The following TAFA1 variants were observed in gnomAD, a reference collection of about 807,000 sequenced individuals.
TAFA1 encodes TAFA chemokine like family member 1.
Under a neutral mutation model 18.5 loss-of-function variants are expected in TAFA1, and 4 were observed. That is an observed-to-expected ratio of 0.22 (90% CI 0.11 to 0.49). TAFA1 has a LOEUF of 0.49. TAFA1 is among the 20% of genes least tolerant of loss of function. The probability of loss-of-function intolerance (pLI) is 0.98; values close to 1 mark genes in which losing one functional copy is unlikely to be tolerated. For synonymous variants in TAFA1, 56 were observed against 55.2 expected (o/e 1.01, Z -0.06); for missense variants, 147 against 169.0 (o/e 0.87, Z 0.72).
At chr3:68,398,809 T>A (rs2070433290) in intron 2 of TAFA1, among the ~76,000 whole-genome samples, 1 of 152,240 alleles carries the variant, frequency 6.6e-6, no homozygotes, top group Non-Finnish European at 1.5e-5. Flanking sequence ...CAAATTGACA[T>A]CTAATCAAAG....
intron 3 of TAFA1, among the ~76,000 whole-genome samples, chr3:68,538,162 G>GA (rs1309140012): frequency 1.3e-5 from 2 of 152,094 alleles, no homozygotes; most frequent in Non-Finnish European, 2.9e-5. Context: ...GCAAAAGTCT[G>GA]AAAAAATCTC....
chr3:68,380,471 G>A (rs2069921440), intron 2 of TAFA1, among the ~76,000 whole-genome samples: 2 of 152,166 alleles, frequency 1.3e-5, no homozygotes, highest in Admixed American at 1.3e-4. Context: ...TAACTGGTGT[G>A]TGATGGTATC....
chr3:68,365,196 G>C (rs1449961681), intron 2 of TAFA1, among the ~76,000 whole-genome samples: 4 of 152,168 alleles, frequency 2.6e-5, no homozygotes, highest in Admixed American at 6.5e-5. Context: ...CCATTTTGCA[G>C]ATGGGAAAAC....
intron 2 of TAFA1, among the ~76,000 whole-genome samples, chr3:68,388,274 A>G (rs575365720): frequency 2.0e-4 from 30 of 152,312 alleles, no homozygotes; most frequent in African/African-American, 7.2e-4. Flanking sequence ...AAAAGGTAGT[A>G]TAGATCTAAA....
chr3:68,344,122 C>T (rs915169295), intron 2 of TAFA1, among the ~76,000 whole-genome samples: 8 of 152,180 alleles, frequency 5.3e-5, no homozygotes, highest in South Asian at 4.2e-4. Flanking sequence ...GGATTACAGG[C>T]GTGGGCCACA....
At chr3:68,491,018 T>C (rs2072442144) in intron 3 of TAFA1, among the ~76,000 whole-genome samples, 1 of 151,970 alleles carries the variant, frequency 6.6e-6, no homozygotes. Context: ...TTTGTACTTT[T>C]TATAGAGATG....
In TAFA1 at chr3:68,146,655, A is replaced by G. The variant is rs560499665; in HGVS notation, c.118+139911A>G. 1.8e-4 allele frequency among the ~76,000 whole-genome samples: 28 copies of G among 152,312 alleles called. 1 individual carries two copies. Among genetic ancestry groups the G allele is most frequent in the African/African-American group, 5.3e-4 (22 of 41,564 alleles). The stretch of plus-strand genomic sequence containing the variant: ...AATTCCCCTTAAGTAATCTACAAAT[A>G]TCTTAAGACTAGATTAGAATCTCAT... On this transcript the variant is annotated intron_variant, in intron 2 of 4. Transcript: ENST00000478136.
In TAFA1 at chr3:68,339,331, G is replaced by A. The variant is rs77927163; in HGVS notation, c.119-77949G>A. ...AAAGTTATAATTTCAGAACATTTTT[G>A]CTATGTTAATCATAAAGATACAGAG... On this transcript the variant is annotated intron_variant, in intron 2 of 4. Transcript: ENST00000478136. Among the ~76,000 whole-genome samples, 4 of 152,100 alleles carry A rather than the reference G, an allele frequency of 2.6e-5. No individual in the cohort carries two copies. In the East Asian group the frequency reaches 7.7e-4, roughly 29 times the overall value.
intron 3 of TAFA1, among the ~76,000 whole-genome samples, chr3:68,445,629 G>C (rs2071462666): frequency 2.0e-5 from 3 of 152,096 alleles, no homozygotes; most frequent in Middle Eastern, 3.2e-3. Context: ...TAAGATGTAA[G>C]ACCCCTTGGC....
chr3:68,071,982 G>A (rs1233823390), intron 2 of TAFA1, among the ~76,000 whole-genome samples: 1 of 152,050 alleles, frequency 6.6e-6, no homozygotes, highest in African/African-American at 2.4e-5. Flanking sequence ...TAAAATTTGG[G>A]TAAGGACAAA....
At chr3:68,326,306 G>A (rs1222599258) in intron 2 of TAFA1, among the ~76,000 whole-genome samples, 1 of 152,092 alleles carries the variant, frequency 6.6e-6, no homozygotes, top group Non-Finnish European at 1.5e-5. Flanking sequence ...TGTGTCTTCA[G>A]TTGTTTTAAA....
intron 2 of TAFA1, among the ~76,000 whole-genome samples, chr3:68,380,226 A>G (rs1216470883): frequency 1.3e-5 from 2 of 152,022 alleles, no homozygotes; most frequent in Non-Finnish European, 2.9e-5. Flanking sequence ...CGCAATAAAC[A>G]TACGCGTGCA....
At chr3:68,112,836 T>C (rs2065276986) in intron 2 of TAFA1, among the ~76,000 whole-genome samples, 1 of 151,962 alleles carries the variant, frequency 6.6e-6, no homozygotes, top group Non-Finnish European at 1.5e-5. Flanking sequence ...AATAATCAAA[T>C]ACTAAGAATG....
chr3:68,043,929 A>G (rs1705217738), intron 2 of TAFA1, among the ~76,000 whole-genome samples: 1 of 152,208 alleles, frequency 6.6e-6, no homozygotes, highest in African/African-American at 2.4e-5. Flanking sequence ...TGTAAAAAAT[A>G]AAAAGAAAGA....
At chr3:68,012,133 G>C (rs947080535) in intron 2 of TAFA1, among the ~76,000 whole-genome samples, 2 of 152,120 alleles carry the variant, frequency 1.3e-5, no homozygotes, top group African/African-American at 4.8e-5. Flanking sequence ...AACTTTCTGC[G>C]AAAGTATCAA....
intron 2 of TAFA1, among the ~76,000 whole-genome samples, chr3:68,306,423 A>C (rs970995565): frequency 6.6e-6 from 1 of 152,190 alleles, no homozygotes; most frequent in Non-Finnish European, 1.5e-5. Flanking sequence ...TAAGGCTTGC[A>C]TGCTACCCTA....
intron 3 of TAFA1, among the ~76,000 whole-genome samples, chr3:68,504,587 T>C (rs764025402): frequency 1.9e-4 from 29 of 152,194 alleles, no homozygotes; most frequent in Middle Eastern, 3.2e-3. Flanking sequence ...CATGTCACTA[T>C]GTATCAAGTG....
chr3:67,998,238 T>C, the TAFA1 span, among the ~76,000 whole-genome samples: 2 of 152,220 alleles, frequency 1.3e-5, no homozygotes, highest in South Asian at 2.1e-4. Context: ...TTTTAACATA[T>C]GAATACGTTA....
Position 68,323,186 on chromosome 3 carries a change from C to G in TAFA1, c.119-94094C>G, listed in dbSNP as rs985273152. 4.6e-5 allele frequency among the ~76,000 whole-genome samples: 7 copies of G among 152,192 alleles called. No homozygotes were observed. The East Asian group carries it at 1.3e-3, about 29-fold the overall frequency. The stretch of plus-strand genomic sequence containing the variant: ...TTTGGTATGACCAGGGCTGTCTGCC[C>G]TAGACCCAGGCGAACTAAACATATT... On this transcript the variant is annotated intron_variant, in intron 2 of 4. Transcript: ENST00000478136.
Sources: gnomAD v4.1 joint callset for allele counts (sites outside exome capture counted in the v4.1 genomes callset) on GRCh38, gnomAD v4.1.1 for gene constraint, MANE v1.5 for transcripts, NCBI Gene and HGNC (gene_info 2026-07-23, HGNC 2026-07-21) for gene names.